Variants in NALCN observed in about 807,000 individuals in gnomAD.
NALCN encodes the protein sodium leak channel NALCN.
Under a neutral mutation model 225.3 loss-of-function variants are expected in NALCN, and 111 were observed. That is an observed-to-expected ratio of 0.49 (90% CI 0.42 to 0.58). NALCN has a LOEUF of 0.58. Ranked by LOEUF, NALCN falls within the 20% of genes least tolerant of loss-of-function variation. The pLI, the probability that NALCN is intolerant of heterozygous loss-of-function variation, is 0.00. For missense variants in NALCN, 1,378 were observed against 2,202.4 expected (o/e 0.63, Z 7.49); for synonymous variants, 764 against 769.0 (o/e 0.99, Z 0.11).
At chr13:101,075,604 TTTAA>T (rs756782650) in intron 35 of NALCN, among the ~76,000 whole-genome samples, 11 of 152,036 alleles carry the variant, frequency 7.2e-5, no homozygotes, top group African/African-American at 2.4e-4. Context: ...ACTGGTTATC[TTTAA>T]TTAATTAAAT....
intron 17 of NALCN, among the ~76,000 whole-genome samples, chr13:101,133,318 A>T (rs1036154518): frequency 6.6e-6 from 1 of 152,180 alleles, no homozygotes; most frequent in Non-Finnish European, 1.5e-5. Flanking sequence ...TCTAACTGGG[A>T]AAAAGTTTGA....
At chr13:101,156,839 T>C (rs563969791) in intron 15 of NALCN, among the ~76,000 whole-genome samples, 2 of 152,350 alleles carry the variant, frequency 1.3e-5, no homozygotes, top group African/African-American at 2.4e-5. Flanking sequence ...CATTGGGGTC[T>C]TGGACCCCAG....
intron 3 of NALCN, among the ~76,000 whole-genome samples, chr13:101,385,715 T>A (rs894696171): frequency 4.6e-5 from 7 of 152,202 alleles, no homozygotes; most frequent in Non-Finnish European, 1.0e-4. Flanking sequence ...CATTGATATC[T>A]TCCTCTGTCT....
chr13:101,081,836 T>C (rs902472318), intron 33 of NALCN, among the ~76,000 whole-genome samples, 190 bp from the exon 34 acceptor site: 1 of 152,180 alleles, frequency 6.6e-6, no homozygotes, highest in Non-Finnish European at 1.5e-5. Context: ...GGTTTCCTTT[T>C]AGGCCACGTG....
intron 11 of NALCN, among the ~76,000 whole-genome samples, chr13:101,252,282 C>T (rs2140195281): frequency 6.6e-6 from 1 of 152,186 alleles, no homozygotes; most frequent in East Asian, 1.9e-4. Flanking sequence ...TGTTCTCTGA[C>T]TTTATAATTG....
chr13:101,185,329 G>T (rs999572535), intron 14 of NALCN, among the ~76,000 whole-genome samples: 1 of 152,186 alleles, frequency 6.6e-6, no homozygotes, highest in Non-Finnish European at 1.5e-5. Context: ...TCAAGAGATT[G>T]CTGTGTTAAT....
At chr13:101,323,721 GA>G (rs1275870876) in intron 7 of NALCN, among the ~76,000 whole-genome samples, 1 of 152,042 alleles carries the variant, frequency 6.6e-6, no homozygotes, top group African/African-American at 2.4e-5. Context: ...CCAGTAGGAA[GA>G]AAAAAATAAG....
At chr13:101,409,516 A>G (rs566490314) in intron 1 of NALCN, among the ~76,000 whole-genome samples, 4 of 152,238 alleles carry the variant, frequency 2.6e-5, no homozygotes, top group African/African-American at 9.6e-5. Flanking sequence ...ATCCTACTCT[A>G]TATTAATTAT....
chr13:101,199,933 T>C (rs761223495), intron 13 of NALCN, among the ~76,000 whole-genome samples: 4 of 152,082 alleles, frequency 2.6e-5, no homozygotes, highest in Non-Finnish European at 5.9e-5. Flanking sequence ...TGCCAGCCCT[T>C]TGCATGCTCC....
At chr13:101,313,238 A>G (rs560499659) in intron 7 of NALCN, among the ~76,000 whole-genome samples, 1 of 152,152 alleles carries the variant, frequency 6.6e-6, no homozygotes, top group Non-Finnish European at 1.5e-5. Flanking sequence ...CCTAGAGGAA[A>G]ACCTAGGCAA....
intron 7 of NALCN, among the ~76,000 whole-genome samples, chr13:101,341,083 T>C (rs962396111): frequency 6.6e-6 from 1 of 152,178 alleles, no homozygotes; most frequent in Admixed American, 6.5e-5. Context: ...AATCACACTA[T>C]CTCCCCCGGT....
intron 3 of NALCN, among the ~76,000 whole-genome samples, chr13:101,380,857 A>AACACACATACAC (rs1226235735): frequency 6.9e-6 from 1 of 145,568 alleles, no homozygotes; most frequent in African/African-American, 2.5e-5. Flanking sequence ...ATGCCTAGCT[A>AACACACATACAC]ACACACACAC....
intron 7 of NALCN, among the ~76,000 whole-genome samples, chr13:101,307,507 A>G (rs911701257): frequency 5.9e-5 from 9 of 152,220 alleles, no homozygotes; most frequent in Non-Finnish European, 8.8e-5. Flanking sequence ...CGGCATTCCA[A>G]TGAATCCGTG....
chr13:101,326,264 TA>T (rs1391874404), intron 7 of NALCN, among the ~76,000 whole-genome samples: 1 of 152,226 alleles, frequency 6.6e-6, no homozygotes, highest in Admixed American at 6.5e-5. Flanking sequence ...TGTTTGTACT[TA>T]CCTGGTGCCT....
At position 101,137,932 on chromosome 13, in the gene NALCN, C is replaced by T. The variant is rs531698582; in HGVS notation, c.2118+5148G>A. ...AAACCTTGAAAATGAGAATTATCTC[C>T]ACTTTACTGATGAGGGTTGGAACCT... On this transcript the variant is annotated intron_variant, in intron 17 of 43. Coordinates refer to ENST00000251127, the MANE Select transcript of NALCN (RefSeq NM_052867.4). Among the ~76,000 whole-genome samples the T allele has an allele frequency of 2.0e-5, 3 of 152,276 alleles. No homozygotes were observed. The South Asian group carries it at 6.2e-4, about 32-fold the overall frequency.
At chr13:101,299,176 C>CT (rs747698717) in intron 7 of NALCN, among the ~76,000 whole-genome samples, 4 of 152,082 alleles carry the variant, frequency 2.6e-5, no homozygotes, top group Non-Finnish European at 5.9e-5. Context: ...CAACTAGGCA[C>CT]TGGAAAGAAA....
chr13:101,210,521 A>T (rs1181923258), intron 13 of NALCN, among the ~76,000 whole-genome samples: 1 of 151,668 alleles, frequency 6.6e-6, no homozygotes, highest in Non-Finnish European at 1.5e-5. Flanking sequence ...CTGTAATATG[A>T]TTTTTTTTTA....
chr13:101,088,866 T>C (rs915427573), intron 30 of NALCN, among the ~76,000 whole-genome samples: 12 of 152,254 alleles, frequency 7.9e-5, no homozygotes, highest in African/African-American at 2.6e-4. Flanking sequence ...TCACAAAGTA[T>C]GTCAAGTTCA....
At chr13:101,242,742 A>G (rs2041791143) in intron 11 of NALCN, among the ~76,000 whole-genome samples, 1 of 106,538 alleles carries the variant, frequency 9.4e-6, no homozygotes, top group African/African-American at 3.4e-5. Context: ...GTTTTCTCAA[A>G]TAAATACAAA....
Sources: gnomAD v4.1 joint callset for allele counts (sites outside exome capture counted in the v4.1 genomes callset) on GRCh38, gnomAD v4.1.1 for gene constraint, MANE v1.5 for transcripts, NCBI Gene and HGNC (gene_info 2026-07-23, HGNC 2026-07-21) for gene names.